LIN7A: variants seen among roughly 807,000 people sequenced by gnomAD.
The protein encoded by LIN7A is lin-7 cell polarity scaffold A.
Under a neutral mutation model 29.8 loss-of-function variants are expected in LIN7A, and 25 were observed. That is an observed-to-expected ratio of 0.84 (90% confidence interval 0.61 to 1.17). The LOEUF (loss-of-function observed/expected upper bound fraction) is 1.17. Among genes scored for constraint, LIN7A ranks in the 50% most tolerant of loss-of-function variants. The pLI is 0.00. For synonymous variants in LIN7A, 118 were observed against 107.5 expected, an observed-to-expected ratio of 1.10 and a Z score of -0.60; for missense variants, 239 against 287.0, an observed-to-expected ratio of 0.83 and a Z score of 1.21.
At chr12:80,819,929 A>G (rs1871715091) in intron 4 of LIN7A, among the ~76,000 whole-genome samples, 1 of 152,200 alleles carries the variant, frequency 6.6e-6, no homozygotes, top group African/African-American at 2.4e-5. Flanking sequence ...TGTAAGTAGA[A>G]GTTTTCTTTA....
intron 4 of LIN7A, among the ~76,000 whole-genome samples, chr12:80,817,471 C>T (rs915115382): frequency 1.3e-5 from 2 of 152,146 alleles, no homozygotes; most frequent in East Asian, 1.9e-4. Flanking sequence ...TACTTAAACA[C>T]TTTGTTGGAC....
At chr12:80,916,410 C>T (rs1877032510) in intron 1 of LIN7A, among the ~76,000 whole-genome samples, 1 of 152,176 alleles carries the variant, frequency 6.6e-6, no homozygotes, top group Admixed American at 6.5e-5. Context: ...CTTGTTCCCT[C>T]TGCTCCAGCT....
intron 1 of LIN7A, among the ~76,000 whole-genome samples, chr12:80,916,844 A>C (rs952496772): frequency 1.3e-5 from 2 of 152,138 alleles, no homozygotes; most frequent in Non-Finnish European, 1.5e-5. Context: ...TTTCCCGCAG[A>C]GAGAGCAACA....
At chr12:80,896,305 G>A (rs1395280305) in intron 1 of LIN7A, among the ~76,000 whole-genome samples, 2 of 152,168 alleles carry the variant, frequency 1.3e-5, no homozygotes, top group African/African-American at 2.4e-5. Context: ...GGCGACAAGC[G>A]ATAGTAACAG....
At position 80,882,287 on chromosome 12, in the gene LIN7A, C is replaced by CTTTTTTTTTTTTTTTTTTTTTT. The variant is rs56000415; in HGVS notation, c.201+6963_201+6964insAAAAAAAAAAAAAAAAAAAAAA. 8.8e-4 allele frequency among the ~76,000 whole-genome samples: 77 copies of CTTTTTTTTTTTTTTTTTTTTTT among 87,692 alleles called. 15 individuals are homozygous for CTTTTTTTTTTTTTTTTTTTTTT. The highest frequency in any genetic ancestry group is 1.6e-3 in the Non-Finnish European group (57 of 35,012). 57.5% of individuals were successfully genotyped at this position (87,692 alleles called of 152,430 possible). A position where few individuals can be genotyped will look rare whatever the true frequency, so the allele number is the denominator to read the frequency against. On this transcript the variant is annotated intron_variant, in intron 2 of 5. Transcript: ENST00000552864. The stretch of plus-strand genomic sequence containing the variant: ...ACAGTACTATCATTTTTCTTTCATT[C>CTTTTTTTTTTTTTTTTTTTTTT]TTTTTTTTTTTTTTTGAGACGGAGT...
At chr12:80,897,808 A>G (rs1054182049) in intron 1 of LIN7A, among the ~76,000 whole-genome samples, 1 of 152,122 alleles carries the variant, frequency 6.6e-6, no homozygotes, top group Non-Finnish European at 1.5e-5. Context: ...GTCTCAAAAA[A>G]AATAAAAAAA....
chr12:80,879,151 G>T (rs1345766601), intron 2 of LIN7A, among the ~76,000 whole-genome samples: 1 of 152,038 alleles, frequency 6.6e-6, no homozygotes, highest in Non-Finnish European at 1.5e-5. Flanking sequence ...TAGATTGCTT[G>T]CTATGTAACT....
intron 1 of LIN7A, among the ~76,000 whole-genome samples, chr12:80,923,633 A>C (rs1041196054): frequency 2.6e-5 from 4 of 152,022 alleles, no homozygotes; most frequent in African/African-American, 9.7e-5. Flanking sequence ...TTTCTCATAC[A>C]ACATACTCTC....
chr12:80,898,984 T>C (rs1876055257), intron 1 of LIN7A, among the ~76,000 whole-genome samples: 2 of 152,304 alleles, frequency 1.3e-5, no homozygotes, highest in Non-Finnish European at 2.9e-5. Context: ...TCTTTCTTTC[T>C]CTTTCCTCAT....
intron 5 of LIN7A, among the ~76,000 whole-genome samples, chr12:80,808,600 G>C (rs1344647345): frequency 6.6e-6 from 1 of 150,960 alleles, no homozygotes; most frequent in Non-Finnish European, 1.5e-5. Flanking sequence ...CCACCTCCCA[G>C]GTTCACGCCA....
At chr12:80,819,673 A>T (rs2121517668) in intron 4 of LIN7A, among the ~76,000 whole-genome samples, 1 of 152,352 alleles carries the variant, frequency 6.6e-6, no homozygotes, top group South Asian at 2.1e-4. Context: ...AACACAGACA[A>T]GCTGCTTAAT....
At chr12:80,874,208 A>G (rs912205163) in intron 2 of LIN7A, among the ~76,000 whole-genome samples, 2 of 152,192 alleles carry the variant, frequency 1.3e-5, no homozygotes, top group Non-Finnish European at 2.9e-5. Context: ...TTTTCTCTCT[A>G]TTTAAGAAAA....
At chr12:80,849,382 C>T (rs1247320812) in intron 2 of LIN7A, among the ~76,000 whole-genome samples, 2 of 152,112 alleles carry the variant, frequency 1.3e-5, no homozygotes, top group Admixed American at 6.6e-5. Context: ...CTCTAATAGC[C>T]CATTTCAGAG....
chr12:80,812,531 G>GTTT (rs77509769), intron 4 of LIN7A, among the ~76,000 whole-genome samples: 104 of 149,486 alleles, frequency 7.0e-4, no homozygotes, highest in African/African-American at 1.3e-3. Flanking sequence ...GTGCAAAAGG[G>GTTT]TTTTTTTTCT....
intron 1 of LIN7A, among the ~76,000 whole-genome samples, chr12:80,891,808 G>A (rs921452689): frequency 4.6e-5 from 7 of 152,148 alleles, no homozygotes; most frequent in Admixed American, 1.3e-4. Context: ...AGGGAAGAAT[G>A]TTCAAGACAA....
rs533829477 is a variant in LIN7A at position 80,913,288 on chromosome 12, G to A, written c.83-23919C>T. ...AAGGACATATTATGTTGCCTTTTAC[G>A]TAATCTCAGTTTAAAAAGGTTTTGT... On this transcript the variant is annotated intron_variant, in intron 1 of 5. Coordinates refer to ENST00000552864, the MANE Select transcript of LIN7A (RefSeq NM_004664.4). 1.6e-4 allele frequency among the ~76,000 whole-genome samples: 25 copies of A among 152,254 alleles called. No individual in the cohort carries two copies. The South Asian group carries it at 2.7e-3, about 16-fold the overall frequency.
In LIN7A at chr12:80,794,048, C is replaced by T; in HGVS notation, c.*3679G>A. Reference sequence around the variant, plus strand: ...TAATTAATGAAATTTCAAATTCATACATCTAAAAAGTTTTTATATAGACTC... The same window carrying T: ...TAATTAATGAAATTTCAAATTCATATATCTAAAAAGTTTTTATATAGACTC... On this transcript the variant is annotated 3_prime_UTR_variant, in exon 6 of 6. Transcript: ENST00000552864. 1 of 151,604 alleles carries T rather than the reference C, an allele frequency of 6.6e-6. No homozygotes were observed. The highest frequency in any genetic ancestry group is 1.9e-4 in the East Asian group (1 of 5,190). 9.4% of individuals were successfully genotyped at this position (151,604 alleles called of 1,614,324 possible).
chr12:80,814,436 A>G (rs1871438436), intron 4 of LIN7A, among the ~76,000 whole-genome samples: 1 of 152,064 alleles, frequency 6.6e-6, no homozygotes, highest in Admixed American at 6.6e-5. Context: ...TGGTTCACCC[A>G]GTTTCTAGGC....
intron 5 of LIN7A, among the ~76,000 whole-genome samples, chr12:80,810,393 CTGTGTGTGTGTG>C (rs71094992): frequency 0.042 from 6,194 of 147,000 alleles, 163 homozygotes; most frequent in Non-Finnish European, 0.065. Context: ...TGGTATACAT[CTGTGTGTGTGTG>C]TGTGTGTGTG....
Sources: allele counts gnomAD v4.1 joint callset (sites outside exome capture counted in the v4.1 genomes callset), GRCh38; gene constraint gnomAD v4.1.1; transcripts MANE v1.5; gene names NCBI Gene and HGNC (gene_info 2026-07-23, HGNC 2026-07-21).